AHR: variants seen among roughly 807,000 people sequenced by gnomAD.
AHR encodes the protein AH-receptor.
In AHR, 40 loss-of-function variants were observed where a neutral mutation model predicts 86.8. The ratio of observed to expected loss-of-function variants is 0.46; its 90% CI spans 0.36 to 0.60. The LOEUF (loss-of-function observed/expected upper bound fraction) is 0.60. Ranked by LOEUF, AHR falls within the 20% of genes least tolerant of loss-of-function variation. AHR has a pLI of 0.00. For missense variants in AHR, 1,001 were observed against 1,011.6 expected (o/e 0.99, Z 0.14); for synonymous variants, 398 against 354.9 (o/e 1.12, Z -1.37).
intron 2 of AHR, among the ~76,000 whole-genome samples, chr7:17,315,260 C>T (rs1315165815): frequency 1.3e-5 from 2 of 151,858 alleles, no homozygotes; most frequent in Non-Finnish European, 2.9e-5. Context: ...CCTCAGATAT[C>T]CCAATTTACA....
intron 6 of AHR, 144 bp downstream of exon 6, chr7:17,331,030 A>G (rs1222545566): frequency 1.2e-6 from 1 of 818,248 alleles, no homozygotes; most frequent in South Asian, 2.3e-5. Context: ...CAGAGAGCTC[A>G]CTTAAAAACA....
Position 17,339,374 on chromosome 7 carries a change from C to G in AHR, c.1549C>G (p.Pro517Ala), listed in dbSNP as rs72552768. The change falls in exon 10 of 11, where the codon CCT becomes GCT. Residue 517 changes from proline to alanine, a missense_variant. Coordinates refer to ENST00000242057, the MANE Select transcript of AHR (RefSeq NM_001621.5). ...TILKHEQIDQ[P>A]QDVNSFAGGH... ...CCTGAAACATGAGCAAATTGACCAGCCTCAGGATGTGAACTCATTTGCTGG... is the reference window on the plus strand; with the variant it reads ...CCTGAAACATGAGCAAATTGACCAGGCTCAGGATGTGAACTCATTTGCTGG... The G allele has an allele frequency of 3.1e-6, 5 of 1,614,086 alleles. No individual in the cohort carries two copies. The highest frequency in any genetic ancestry group is 3.4e-6 in the Non-Finnish European group (4 of 1,180,042).
intron 2 of AHR, among the ~76,000 whole-genome samples, chr7:17,319,770 G>T (rs1257804096): frequency 6.6e-6 from 1 of 152,044 alleles, no homozygotes; most frequent in African/African-American, 2.4e-5. Flanking sequence ...GAGGTAGTAG[G>T]CATGAGAGCA....
At chr7:17,337,228 T>A (rs1265413276) in intron 9 of AHR, among the ~76,000 whole-genome samples, 2 of 152,134 alleles carry the variant, frequency 1.3e-5, no homozygotes, top group Non-Finnish European at 2.9e-5. Flanking sequence ...TTTCAGTTTT[T>A]TTGAAATTTG....
intron 1 of AHR, among the ~76,000 whole-genome samples, chr7:17,303,781 A>G (rs2282886): frequency 0.5 from 76,088 of 151,854 alleles, 21,261 homozygotes; most frequent in Non-Finnish European, 0.63. Flanking sequence ...TTTGGGATAG[A>G]AAAGTATGTG....
intron 2 of AHR, among the ~76,000 whole-genome samples, chr7:17,319,773 T>TC: frequency 6.6e-6 from 1 of 152,176 alleles, no homozygotes; most frequent in Non-Finnish European, 1.5e-5. Context: ...GTAGTAGGCA[T>TC]GAGAGCAAGA....
chr7:17,320,792 G>T (rs1461348215), intron 2 of AHR, among the ~76,000 whole-genome samples: 1 of 152,082 alleles, frequency 6.6e-6, no homozygotes, highest in Non-Finnish European at 1.5e-5. Flanking sequence ...TGAACTGTTA[G>T]GTCAGTTTAC....
chr7:17,306,747 A>T (rs1782009909), intron 1 of AHR, among the ~76,000 whole-genome samples: 1 of 152,024 alleles, frequency 6.6e-6, no homozygotes, highest in Non-Finnish European at 1.5e-5. Context: ...CCTCTTCCTT[A>T]CTTCCTATAG....
intron 2 of AHR, among the ~76,000 whole-genome samples, chr7:17,317,116 G>GGT (rs1554266145): frequency 8.1e-6 from 1 of 123,684 alleles, no homozygotes; most frequent in Non-Finnish European, 1.6e-5. Context: ...GGAGAATTTT[G>GGT]TTTTTTTTTT....
chr7:17,301,894 C>G (rs1781958145), intron 1 of AHR, among the ~76,000 whole-genome samples: 1 of 151,870 alleles, frequency 6.6e-6, no homozygotes, highest in South Asian at 2.1e-4. Flanking sequence ...TCAAAGATAA[C>G]TTTCATTATA....
intron 8 of AHR, 72 bp from the exon 9 acceptor site, chr7:17,335,573 C>A (rs1394144466): frequency 6.8e-6 from 9 of 1,315,218 alleles, no homozygotes; most frequent in Non-Finnish European, 8.2e-6. Flanking sequence ...GTCACAAGAG[C>A]TTTGTTTTAG....
rs752274148 is a variant in AHR, at chr7:17,338,979, A to G, written c.1161-7A>G. 4 of 1,578,694 alleles carry G rather than the reference A, an allele frequency of 2.5e-6. No individual in the cohort carries two copies. The highest frequency in any genetic ancestry group is 2.6e-6 in the Non-Finnish European group (3 of 1,163,000). On this transcript the variant is annotated splice_polypyrimidine_tract_variant and splice_region_variant and intron_variant, in intron 9 of 10. Transcript: ENST00000242057. ...TTTTTCTAAGACTTTTTTGTACACAATTTTAGAGATGAGGAAGGAACAGAG... is the reference window on the plus strand; with the variant it reads ...TTTTTCTAAGACTTTTTTGTACACAGTTTTAGAGATGAGGAAGGAACAGAG...
chr7:17,335,841 A>AT (rs1782349552), intron 9 of AHR, 55 bp downstream of exon 9: 1 of 1,522,284 alleles, frequency 6.6e-7, no homozygotes, highest in Admixed American at 2.0e-5. Context: ...AAGTCCTCTT[A>AT]TGTGAAAGCA....
chr7:17,300,436 A>G (rs751324606), intron 1 of AHR, among the ~76,000 whole-genome samples: 42 of 152,238 alleles, frequency 2.8e-4, no homozygotes, highest in Non-Finnish European at 3.7e-4. Context: ...GAAAAATAAC[A>G]CTTTAAGATT....
intron 2 of AHR, among the ~76,000 whole-genome samples, chr7:17,311,010 G>C (rs190565269): frequency 6.6e-6 from 1 of 152,144 alleles, no homozygotes; most frequent in Non-Finnish European, 1.5e-5. Context: ...CCGTATCTCA[G>C]TTTTCTCAGC....
chr7:17,312,555 CTAT>C (rs1179500510), intron 2 of AHR, among the ~76,000 whole-genome samples: 3 of 152,066 alleles, frequency 2.0e-5, no homozygotes, highest in Non-Finnish European at 1.5e-5. Context: ...GATAAGTGTC[CTAT>C]TATTCAGTGC....
At position 17,329,951 on chromosome 7, in the gene AHR, G is replaced by T. The variant is rs1402902593; in HGVS notation, c.451-1G>T. 2 of 1,600,652 alleles carry T rather than the reference G, an allele frequency of 1.2e-6. No homozygotes were observed. The highest frequency in any genetic ancestry group is 1.7e-5 in the Admixed American group (1 of 57,578). ...GTATTCCTTGTATCTTTTTTCTTTA[G>T]TCTGATGTCATACATCAGAGTGTAT... On this transcript the variant is annotated splice_acceptor_variant, in intron 4 of 10. Transcript: ENST00000242057. LOFTEE classifies it high-confidence loss of function.
At position 17,340,097 on chromosome 7, in the gene AHR, A is replaced by G. The variant is rs1431843441; in HGVS notation, c.2272A>G (p.Ile758Val). The part of the protein sequence containing the change: ...QKHGLNPQSA[I>V]ITPQTCYAGA... ...GCATGGATTAAATCCACAGTCAGCC[A>G]TAATAACTCCTCAGACATGTTATGC... The change falls in exon 10 of 11, where the codon ATA (isoleucine) becomes GTA (valine). Residue 758 changes from isoleucine (I) to valine (V), a missense_variant. Physicochemically the swap from Ile to Val is conservative, Grantham distance 29. Transcript: ENST00000242057. 3.7e-6 allele frequency: 6 copies of G among 1,614,232 alleles called. No individual in the cohort carries two copies. The highest frequency in any genetic ancestry group is 5.1e-6 in the Non-Finnish European group (6 of 1,180,036).
At chr7:17,316,916 A>C (rs1782120749) in intron 2 of AHR, among the ~76,000 whole-genome samples, 1 of 152,014 alleles carries the variant, frequency 6.6e-6, no homozygotes, top group Non-Finnish European at 1.5e-5. Context: ...ATAGACTTTA[A>C]CCTCACTGTT....
Sources: gnomAD v4.1 joint callset for allele counts (sites outside exome capture counted in the v4.1 genomes callset) on GRCh38, gnomAD v4.1.1 for gene constraint, MANE v1.5 for transcripts, NCBI Gene and HGNC (gene_info 2026-07-23, HGNC 2026-07-21) for gene names.